Variants in TAF1 observed in about 807,000 individuals in gnomAD.
TAF1 encodes TATA-box binding protein associated factor 1.
In TAF1, 2 loss-of-function variants were observed where a neutral mutation model predicts 138.5. The ratio of observed to expected loss-of-function variants is 0.01; its 90% confidence interval spans 0.01 to 0.05. The LOEUF (loss-of-function observed/expected upper bound fraction) is 0.05, where lower values mean the gene tolerates loss of function less well. TAF1 is among the 10% of genes least tolerant of loss of function. The pLI is 1.00. For missense variants in TAF1, 709 were observed against 1,478.0 expected (o/e 0.48, Z 8.53); for synonymous variants, 437 against 503.2 (o/e 0.87, Z 1.76).
rs1343606234 is a variant in TAF1 at position 71,460,763 on chromosome X, G to A, written c.5359G>A (p.Gly1787Ser). 6 of 1,197,042 alleles carry A rather than the reference G, an allele frequency of 5.0e-6. No individual in the cohort carries two copies. Among genetic ancestry groups the A allele is most frequent in the Middle Eastern group, 2.3e-4 (1 of 4,358 alleles). Reference protein sequence around the residue: ...EESMMSYEGDGGEASHGLEDS... With the variant: ...EESMMSYEGDSGEASHGLEDS... ...AAGCATGATGTCCTATGAGGGAGAC[G>A]GTGGGGAGGCTTCCCATGGTTTGGA... The change falls in exon 37 of 38, where the codon GGT (glycine) becomes AGT (serine). Residue 1787 changes from glycine (G) to serine (S), a missense_variant. Gly to Ser is a moderately conservative substitution (Grantham distance 56, BLOSUM62 0). Coordinates refer to ENST00000423759, the MANE Select transcript of TAF1 (RefSeq NM_004606.5).
At chrX:71,386,350 C>T (rs2034225233) in intron 14 of TAF1, among the ~76,000 whole-genome samples, 1 of 111,720 alleles carries the variant, frequency 9.0e-6, no homozygotes, top group South Asian at 3.7e-4. Flanking sequence ...CTTGCCTCTA[C>T]TTAAACTGGC....
At chrX:71,421,160 A>G (rs749673106) in intron 28 of TAF1, 149 bp from the exon 29 acceptor site, 13 of 475,606 alleles carry the variant, frequency 2.7e-5, no homozygotes, top group Non-Finnish European at 4.0e-5. Flanking sequence ...GAAAATGGAC[A>G]TAAGTCTGGT....
intron 32 of TAF1, among the ~76,000 whole-genome samples, chrX:71,435,730 A>G (rs2037106039): frequency 9.0e-6 from 1 of 111,347 alleles, no homozygotes; most frequent in South Asian, 3.7e-4. Flanking sequence ...TTTAATGTTT[A>G]GTTTTATGGT....
intron 25 of TAF1, 89 bp from the exon 26 acceptor site, chrX:71,406,549 C>T: frequency 6.4e-6 from 6 of 933,153 alleles, no homozygotes; most frequent in Non-Finnish European, 8.8e-6. Context: ...TGCTTAGGTA[C>T]CTTGGACTTT....
intron 32 of TAF1, among the ~76,000 whole-genome samples, chrX:71,432,566 A>G (rs1168644848): frequency 9.1e-6 from 1 of 109,545 alleles, no homozygotes; most frequent in African/African-American, 3.3e-5. Flanking sequence ...CATCAAATCA[A>G]GTTAGGAAAC....
chrX:71,368,223 A>T, intron 3 of TAF1, 53 bp downstream of exon 3: 1 of 1,143,588 alleles, frequency 8.7e-7, no homozygotes, highest in Admixed American at 2.3e-5. Flanking sequence ...CCTGCTGTAT[A>T]GTCCAGTTTG....
At chrX:71,494,725 T>C (rs1002258845) in intron 13 of TAF1, among the ~76,000 whole-genome samples, 1 of 112,264 alleles carries the variant, frequency 8.9e-6, no homozygotes, top group African/African-American at 3.2e-5. Flanking sequence ...AGCCGCGGAC[T>C]TTCACGGTGA....
At chrX:71,391,583 G>A (rs1362439724) in intron 18 of TAF1, among the ~76,000 whole-genome samples, 1 of 107,960 alleles carries the variant, frequency 9.3e-6, no homozygotes, top group Non-Finnish European at 1.9e-5. Context: ...TGGCTTTCCA[G>A]ATTGAACCTT....
chrX:71,448,395 A>C (rs2037795508), intron 32 of TAF1, among the ~76,000 whole-genome samples: 1 of 111,976 alleles, frequency 8.9e-6, no homozygotes, highest in Non-Finnish European at 1.9e-5. Flanking sequence ...ATGGTTATGG[A>C]TCTCTGTGAA....
intron 13 of TAF1, among the ~76,000 whole-genome samples, chrX:71,486,063 C>T (rs907105968): frequency 1.8e-5 from 2 of 109,990 alleles, no homozygotes; most frequent in Middle Eastern, 4.6e-3. Context: ...GCACCCTCCA[C>T]CTCCTGGGTT....
chrX:71,469,229 C>T (rs1355356559), downstream of TAF1, among the ~76,000 whole-genome samples: 1 of 111,543 alleles, frequency 9.0e-6, no homozygotes, highest in Non-Finnish European at 1.9e-5. Context: ...GAGTTTAAGG[C>T]TGCAGTGAGC....
intron 13 of TAF1, among the ~76,000 whole-genome samples, chrX:71,488,043 G>A (rs192613201): frequency 3.1e-3 from 344 of 111,204 alleles, no homozygotes; most frequent in Middle Eastern, 0.023. Context: ...TTTTAAGCCA[G>A]GATCAAAAAG....
chrX:71,507,378 AC>A (rs1309419706), intron 13 of TAF1, among the ~76,000 whole-genome samples: 1 of 107,978 alleles, frequency 9.3e-6, no homozygotes, highest in Non-Finnish European at 1.9e-5. Flanking sequence ...CTACAGGTGT[AC>A]CCCACCATAC....
chrX:71,403,115 G>A (rs1009650665), intron 25 of TAF1, among the ~76,000 whole-genome samples: 4 of 109,574 alleles, frequency 3.7e-5, no homozygotes, highest in African/African-American at 1.0e-4. Context: ...TGCAACCTGC[G>A]CCTCCCAGGT....
downstream of TAF1, among the ~76,000 whole-genome samples, chrX:71,469,273 C>CA (rs1214443502): frequency 5.7e-4 from 64 of 111,398 alleles, no homozygotes; most frequent in African/African-American, 1.9e-3. Context: ...GCTTGGGTGA[C>CA]AAAGAAAAAG....
At chrX:71,440,614 G>A (rs760604171) in intron 32 of TAF1, among the ~76,000 whole-genome samples, 6 of 109,110 alleles carry the variant, frequency 5.5e-5, no homozygotes, top group Admixed American at 9.9e-5. Flanking sequence ...TCACACTTAC[G>A]TCATCATAAG....
At chrX:71,374,224 A>T (rs1368233476) in intron 3 of TAF1, among the ~76,000 whole-genome samples, 1 of 110,504 alleles carries the variant, frequency 9.0e-6, no homozygotes, top group Non-Finnish European at 1.9e-5. Flanking sequence ...CTGGGATTAC[A>T]GGCACATGCC....
chrX:71,370,077 T>A (rs1377401696), intron 3 of TAF1, among the ~76,000 whole-genome samples: 1 of 110,567 alleles, frequency 9.0e-6, no homozygotes, highest in African/African-American at 3.3e-5. Flanking sequence ...ATAAAAAAAT[T>A]AGCTGGACAT....
chrX:71,420,817 C>T (rs764593610), intron 28 of TAF1, among the ~76,000 whole-genome samples: 1 of 112,451 alleles, frequency 8.9e-6, no homozygotes, highest in Middle Eastern at 4.7e-3. Flanking sequence ...CGGGGTCCAG[C>T]GGCAGCTCCT....
Sources: allele counts gnomAD v4.1 joint callset (sites outside exome capture counted in the v4.1 genomes callset), GRCh38; gene constraint gnomAD v4.1.1; transcripts MANE v1.5; gene names NCBI Gene and HGNC (gene_info 2026-07-23, HGNC 2026-07-21).